KIDINS220: variants seen among roughly 807,000 people sequenced by gnomAD.
KIDINS220 encodes kinase D-interacting substrate of 220 kDa.
A neutral mutation model predicts 157.6 loss-of-function variants in KIDINS220; 63 were observed. That is an observed-to-expected ratio of 0.40 (90% confidence interval 0.33 to 0.49). The LOEUF (loss-of-function observed/expected upper bound fraction) is 0.49, where lower values mean the gene tolerates loss of function less well. Among genes scored for constraint, KIDINS220 ranks in the 20% least tolerant of loss-of-function variants. The probability of loss-of-function intolerance (pLI) is 0.66; values close to 1 mark genes in which losing one functional copy is unlikely to be tolerated. For synonymous variants in KIDINS220, 732 were observed against 783.6 expected (o/e 0.93, Z 1.10); for missense variants, 1,772 against 2,171.2 (o/e 0.82, Z 3.65).
intron 9 of KIDINS220, 57 bp downstream of exon 9, chr2:8,800,343 T>C: frequency 1.8e-6 from 2 of 1,119,962 alleles, no homozygotes; most frequent in Non-Finnish European, 2.6e-6. Context: ...TTATGATCAG[T>C]CAACACTTAC....
rs140715079 is a variant in KIDINS220 at position 8,801,981 on chromosome 2, G to C, written c.801+949C>G. On this transcript the variant is annotated intron_variant, in intron 8 of 29. Coordinates refer to ENST00000256707, the MANE Select transcript of KIDINS220 (RefSeq NM_020738.4). ...CCGAGGAGGAAACCTTGAAGCTGAG[G>C]TGAGAATGACAAGAAGGAGCCAAGA... Among the ~76,000 whole-genome samples the C allele has an allele frequency of 4.1e-3, 626 of 152,260 alleles. 8 individuals are homozygous for C. The highest frequency in any genetic ancestry group is 0.014 in the African/African-American group (601 of 41,552).
At chr2:8,757,733 C>T (rs1668200717) in intron 22 of KIDINS220, 1 of 1,612,474 alleles carries the variant, frequency 6.2e-7, no homozygotes. Flanking sequence ...TGGCAACTAA[C>T]ACTGACTTGG....
At position 8,816,367 on chromosome 2, in the gene KIDINS220, A is replaced by T. The variant is rs533846651; in HGVS notation, c.306+1251T>A. On this transcript the variant is annotated intron_variant, in intron 4 of 29. Coordinates refer to ENST00000256707, the MANE Select transcript of KIDINS220 (RefSeq NM_020738.4). ...TTACTAGCTGTGTGACTTAGGATAA[A>T]GATTCACTTCTTCCAGTCTCAATTT... is the stretch of plus-strand genomic sequence containing the variant. Among the ~76,000 whole-genome samples the T allele has an allele frequency of 1.7e-4, 26 of 152,340 alleles. 3 individuals carry two copies. The highest frequency in any genetic ancestry group is 6.3e-4 in the African/African-American group (26 of 41,580).
chr2:8,751,828 C>T (rs1667402543), intron 22 of KIDINS220, among the ~76,000 whole-genome samples, 184 bp from the exon 23 acceptor site: 1 of 152,100 alleles, frequency 6.6e-6, no homozygotes, highest in Non-Finnish European at 1.5e-5. Flanking sequence ...CCTCAGCCTA[C>T]CTAGTGGCTG....
intron 22 of KIDINS220, among the ~76,000 whole-genome samples, chr2:8,763,952 T>C (rs900643166): frequency 2.0e-5 from 3 of 152,226 alleles, no homozygotes; most frequent in Non-Finnish European, 4.4e-5. Context: ...TATATGTTTA[T>C]AGCAGCACAA....
chr2:8,776,907 C>A lies in KIDINS220; in HGVS notation c.2704-15G>T. The A allele has an allele frequency of 6.2e-7, 1 of 1,611,946 alleles. No homozygotes were observed. Among genetic ancestry groups the A allele is most frequent in the South Asian group, 1.1e-5 (1 of 90,728 alleles). ...CGGTAAGTGTCCTGAAACAGCACGT[C>A]GTCAGTGAGAAGGAACCCACGCGTC... On this transcript the variant is annotated splice_polypyrimidine_tract_variant and intron_variant, in intron 20 of 29. Transcript: ENST00000256707.
chr2:8,743,185 A>G (rs937171452), intron 26 of KIDINS220, among the ~76,000 whole-genome samples: 2 of 152,222 alleles, frequency 1.3e-5, no homozygotes, highest in Admixed American at 6.5e-5. Flanking sequence ...TAAAGTATCT[A>G]AAGTATTCAA....
rs553204677 is a variant in KIDINS220, at chr2:8,750,012, C to T, written c.3414+100G>A. 62 of 951,654 alleles carry T rather than the reference C, an allele frequency of 6.5e-5. 1 individual carries two copies. In the South Asian group the frequency reaches 1.0e-3, roughly 16 times the overall value. 59.0% of individuals were successfully genotyped at this position (951,654 alleles called of 1,614,324 possible). A position where few individuals can be genotyped will look rare whatever the true frequency, so the allele number is the denominator to read the frequency against. ...ACTTTACATTTTTCCTATGCTAAAG[C>T]CAAAGTACAGCTTTAAAACCAAAAC... On this transcript the variant is annotated intron_variant, in intron 24 of 29. Transcript: ENST00000256707.
intron 2 of KIDINS220, among the ~76,000 whole-genome samples, chr2:8,821,282 C>G (rs1677916586): frequency 2.0e-5 from 3 of 151,898 alleles, no homozygotes; most frequent in Admixed American, 2.0e-4. Flanking sequence ...CTTGCAGAAA[C>G]TATTAGCTGT....
chr2:8,833,456 A>G (rs1216357943), intron 1 of KIDINS220, among the ~76,000 whole-genome samples: 1 of 146,552 alleles, frequency 6.8e-6, no homozygotes, highest in Non-Finnish European at 1.5e-5. Flanking sequence ...TGTAATTTAC[A>G]TATTTATGTT....
At chr2:8,797,577 A>G (rs1674146416) in intron 10 of KIDINS220, among the ~76,000 whole-genome samples, 1 of 152,222 alleles carries the variant, frequency 6.6e-6, no homozygotes, top group African/African-American at 2.4e-5. Flanking sequence ...GCCGGTCCTG[A>G]TCTACAGCAG....
chr2:8,748,020 A>C lies in KIDINS220; in HGVS notation c.3415-20T>G, dbSNP rs762353124. 1.4e-6 allele frequency: 2 copies of C among 1,394,524 alleles called. No homozygotes were observed. Among genetic ancestry groups the C allele is most frequent in the South Asian group, 1.3e-5 (1 of 75,196 alleles). 86.4% of individuals were successfully genotyped at this position (1,394,524 alleles called of 1,614,324 possible). ...GAATGGCTATGGAAAAACATGTAAC[A>C]AAAAAGGGGTAAACAATTACAGAAA... On this transcript the variant is annotated intron_variant, in intron 24 of 29. Coordinates refer to ENST00000256707, the MANE Select transcript of KIDINS220 (RefSeq NM_020738.4).
chr2:8,733,699 T>A lies in KIDINS220; in HGVS notation c.3817-19A>T. On this transcript the variant is annotated intron_variant, in intron 28 of 29. Transcript: ENST00000256707. ...CTAGTACCTTAACAGAAGAAAAACA[T>A]AAATATTTACACTAACAAATCATAT... The A allele has an allele frequency of 7.1e-7, 1 of 1,413,468 alleles. No individual in the cohort carries two copies. The allele number at this position is 1,413,468 out of a possible 1,614,324, so 87.6% of individuals were successfully genotyped here.
chr2:8,722,133 G>A (rs1262995980), downstream of KIDINS220: 1 of 151,956 alleles, frequency 6.6e-6, no homozygotes, highest in Non-Finnish European at 1.5e-5. Context: ...TTAAACCTAA[G>A]CAAGACACCA....
intron 22 of KIDINS220, among the ~76,000 whole-genome samples, chr2:8,764,332 A>C (rs1194668803): frequency 1.3e-5 from 2 of 152,222 alleles, no homozygotes; most frequent in African/African-American, 4.8e-5. Flanking sequence ...AAATCTCAGA[A>C]TACACCACTA....
Position 8,747,163 on chromosome 2 carries a change from TG to T in KIDINS220, c.3566del (p.Ser1189TyrfsTer19). 1 of 1,614,032 alleles carries T rather than the reference TG, an allele frequency of 6.2e-7. No homozygotes were observed. The highest frequency in any genetic ancestry group is 8.5e-7 in the Non-Finnish European group (1 of 1,180,016). On this transcript the variant is annotated frameshift_variant, in exon 26 of 30. Transcript: ENST00000256707. LOFTEE classifies it high-confidence loss of function. The part of the protein sequence containing the change: ...IKEDAAEGLS[S>X]PTDSSRGSGP... The stretch of plus-strand genomic sequence containing the variant: ...CCATTACCCTCGAGGAGTCTGTGGG[TG>T]AAGAAAGCCCCTCAGCAGCATCCTC...
chr2:8,757,707 C>G (rs1668197176), intron 22 of KIDINS220: 16 of 1,612,472 alleles, frequency 9.9e-6, no homozygotes, highest in Non-Finnish European at 1.4e-5. Context: ...TGGCTTTTCT[C>G]AGCTCTCCAT....
chr2:8,748,079 A>G (rs1002338490), intron 24 of KIDINS220, 79 bp from the exon 25 acceptor site: 17 of 761,972 alleles, frequency 2.2e-5, no homozygotes, highest in South Asian at 1.5e-4. Flanking sequence ...AATGAAACCA[A>G]TAAGATACAA....
rs1190022245 is a variant in KIDINS220 at position 8,733,680 on chromosome 2, C to T, written c.3817G>A (p.Val1273Ile). 6.6e-7 allele frequency: 1 copy of T among 1,513,580 alleles called. No individual in the cohort carries two copies. The highest frequency in any genetic ancestry group is 8.9e-7 in the Non-Finnish European group (1 of 1,124,622). 93.8% of individuals were successfully genotyped at this position (1,513,580 alleles called of 1,614,324 possible). ...FGDWHLFRSTVLEMRNAESHV... is the reference protein window; with the variant it reads ...FGDWHLFRSTILEMRNAESHV... ...CTTTCTGCGTTTCTCATTTCTAGTA[C>T]CTTAACAGAAGAAAAACATAAATAT... The change falls in exon 29 of 30, where the codon GTA (valine) becomes ATA (isoleucine). Residue 1273 changes from valine to isoleucine, a missense_variant and splice_region_variant. Physicochemically the swap from Val to Ile is conservative, Grantham distance 29. Coordinates refer to ENST00000256707, the MANE Select transcript of KIDINS220 (RefSeq NM_020738.4).
Sources: allele counts gnomAD v4.1 joint callset (sites outside exome capture counted in the v4.1 genomes callset), GRCh38; gene constraint gnomAD v4.1.1; transcripts MANE v1.5; gene names NCBI Gene and HGNC (gene_info 2026-07-23, HGNC 2026-07-21).